DLG1: variants seen among roughly 807,000 people sequenced by gnomAD.
DLG1 encodes the protein discs large MAGUK scaffold protein 1.
Under a neutral mutation model 123.4 loss-of-function variants are expected in DLG1, and 42 were observed. The observed-to-expected ratio is 0.34, with a 90% CI of 0.27 to 0.44. The LOEUF is 0.44. DLG1 is among the 20% of genes least tolerant of loss of function. The probability of loss-of-function intolerance (pLI) is 1.00; values close to 1 mark genes in which losing one functional copy is unlikely to be tolerated. For missense variants in DLG1, 942 were observed against 1,082.6 expected (o/e 0.87, Z 1.82); for synonymous variants, 317 against 356.2 (o/e 0.89, Z 1.24).
chr3:197,234,885 T>C (rs1745144277), intron 4 of DLG1, among the ~76,000 whole-genome samples: 1 of 152,146 alleles, frequency 6.6e-6, no homozygotes, highest in Admixed American at 6.6e-5. Flanking sequence ...TTATGTTTTT[T>C]AAGGAAACTA....
intron 4 of DLG1, among the ~76,000 whole-genome samples, chr3:197,198,997 G>T (rs1483667578): frequency 6.6e-6 from 1 of 152,164 alleles, no homozygotes; most frequent in Non-Finnish European, 1.5e-5. Context: ...GGTGGTAGGT[G>T]CACAACTCTG....
chr3:197,068,441 G>A (rs931470963), intron 19 of DLG1: 7 of 1,099,094 alleles, frequency 6.4e-6, no homozygotes, highest in African/African-American at 3.1e-5. Context: ...AATGAATGAC[G>A]GTTAAAAGTA....
intron 4 of DLG1, among the ~76,000 whole-genome samples, chr3:197,204,779 C>G (rs540041910): frequency 6.6e-6 from 1 of 152,104 alleles, no homozygotes; most frequent in Non-Finnish European, 1.5e-5. Flanking sequence ...AGGATGTGCA[C>G]GGGTTATATG....
intron 6 of DLG1, among the ~76,000 whole-genome samples, chr3:197,147,883 A>G (rs564700277): frequency 6.6e-6 from 1 of 151,862 alleles, no homozygotes; most frequent in South Asian, 2.1e-4. Context: ...AATTAAAAAA[A>G]AAAAAGAAAT....
intron 5 of DLG1, among the ~76,000 whole-genome samples, chr3:197,176,007 C>T (rs1362124439): frequency 6.6e-6 from 1 of 152,060 alleles, no homozygotes; most frequent in Non-Finnish European, 1.5e-5. Context: ...GCCTGTGAAA[C>T]TTCTTTTTGC....
intron 18 of DLG1, among the ~76,000 whole-genome samples, chr3:197,073,223 G>A (rs191783883): frequency 2.6e-5 from 4 of 152,274 alleles, no homozygotes; most frequent in African/African-American, 9.6e-5. Flanking sequence ...CTATGCGTAC[G>A]TCTTTAAAGT....
intron 1 of DLG1, chr3:197,297,981 C>T: frequency 2.1e-6 from 2 of 961,566 alleles, no homozygotes; most frequent in Non-Finnish European, 2.5e-6. Context: ...GCGGCCTCGT[C>T]CTCCTTCTCG....
intron 3 of DLG1, among the ~76,000 whole-genome samples, chr3:197,290,121 G>A (rs1003756468): frequency 6.6e-6 from 1 of 151,842 alleles, no homozygotes; most frequent in Non-Finnish European, 1.5e-5. Context: ...ATCACTCAGA[G>A]CACAAATGTC....
chr3:197,092,555 C>T (rs754302553), intron 14 of DLG1, among the ~76,000 whole-genome samples: 1 of 152,052 alleles, frequency 6.6e-6, no homozygotes, highest in Non-Finnish European at 1.5e-5. Flanking sequence ...GGCTGGACTA[C>T]AGTGGCACAA....
Position 197,149,674 on chromosome 3 carries a change from C to T in DLG1, c.537+69G>A, listed in dbSNP as rs192978402. ...TTAGAGAAAACAATGCCATGGTCTT[C>T]GCATTTGTATCAAAAAACGGAACAG... is the stretch of plus-strand genomic sequence containing the variant. On this transcript the variant is annotated intron_variant, in intron 6 of 24. Transcript: ENST00000667157. 4.2e-4 allele frequency: 399 copies of T among 950,446 alleles called. 2 individuals carry two copies. Among genetic ancestry groups the T allele is most frequent in the South Asian group, 1.3e-4 (10 of 77,108 alleles). The allele number at this position is 950,446 out of a possible 1,614,324, so 58.9% of individuals were successfully genotyped here.
chr3:197,265,754 G>GA (rs964891617), intron 4 of DLG1, among the ~76,000 whole-genome samples: 1 of 152,114 alleles, frequency 6.6e-6, no homozygotes, highest in Non-Finnish European at 1.5e-5. Context: ...CAGTCCCACT[G>GA]AAAAAGCTTA....
At chr3:197,071,818 G>GCTCC (rs1256366074) in intron 18 of DLG1, among the ~76,000 whole-genome samples, 1 of 152,156 alleles carries the variant, frequency 6.6e-6, no homozygotes, top group African/African-American at 2.4e-5. Context: ...ATGCAGCAAT[G>GCTCC]GGAGTTCATG....
chr3:197,180,558 A>C, intron 5 of DLG1, among the ~76,000 whole-genome samples: 1 of 152,224 alleles, frequency 6.6e-6, no homozygotes. Flanking sequence ...ATTTTTATTT[A>C]ACATTAAAAA....
chr3:197,289,844 G>A (rs1579458468), intron 3 of DLG1, among the ~76,000 whole-genome samples: 1 of 152,210 alleles, frequency 6.6e-6, no homozygotes, highest in East Asian at 1.9e-4. Flanking sequence ...AAGGAAAGAT[G>A]TCAAGCTAGT....
intron 5 of DLG1, among the ~76,000 whole-genome samples, chr3:197,153,707 T>C (rs963074648): frequency 2.0e-5 from 3 of 152,136 alleles, no homozygotes; most frequent in African/African-American, 7.2e-5. Context: ...GAGCCAGACA[T>C]TGAAGACTAG....
intron 23 of DLG1, among the ~76,000 whole-genome samples, chr3:197,053,180 C>T (rs1182353096): frequency 6.6e-6 from 1 of 152,192 alleles, no homozygotes; most frequent in Non-Finnish European, 1.5e-5. Context: ...TCGTTCCCAA[C>T]TTAAAGGAAA....
At chr3:197,235,374 A>G (rs1338967472) in intron 4 of DLG1, among the ~76,000 whole-genome samples, 1 of 152,244 alleles carries the variant, frequency 6.6e-6, no homozygotes, top group East Asian at 1.9e-4. Flanking sequence ...CAGTCTGAAT[A>G]CTAATCAACA....
chr3:197,299,307 C>T (rs1384390257), upstream of DLG1: 2 of 152,206 alleles, frequency 1.3e-5, no homozygotes, highest in Non-Finnish European at 1.5e-5. Flanking sequence ...AACTGGAAAC[C>T]CGGAGATCCT....
Position 197,054,994 on chromosome 3 carries a change from T to C in DLG1, c.2484-3326A>G, listed in dbSNP as rs184307164. On this transcript the variant is annotated intron_variant, in intron 23 of 24. Transcript: ENST00000667157. The stretch of plus-strand genomic sequence containing the variant: ...CCACGCCCAGCTAATTTTGTATTTT[T>C]AGTAGAGATGGGGTTTTGCTATGTT... Among the ~76,000 whole-genome samples, 29 of 152,276 alleles carry C rather than the reference T, an allele frequency of 1.9e-4. No individual in the cohort carries two copies. In the East Asian group the frequency reaches 5.6e-3, roughly 29 times the overall value.
Sources: gnomAD v4.1 joint callset for allele counts (sites outside exome capture counted in the v4.1 genomes callset) on GRCh38, gnomAD v4.1.1 for gene constraint, MANE v1.5 for transcripts, NCBI Gene and HGNC (gene_info 2026-07-23, HGNC 2026-07-21) for gene names.